Variants in SYT16 observed in about 807,000 individuals in gnomAD.
The protein encoded by SYT16 is synaptotagmin-16.
A neutral mutation model predicts 61.4 loss-of-function variants in SYT16; 42 were observed. That is an observed-to-expected ratio of 0.68 (90% confidence interval 0.53 to 0.89). The LOEUF is 0.89. Among genes scored for constraint, SYT16 ranks in the 40% least tolerant of loss-of-function variants. The pLI is 0.00. For missense variants in SYT16, 804 were observed against 807.3 expected, an observed-to-expected ratio of 1.00 and a Z score of 0.05; for synonymous variants, 314 against 302.3, an observed-to-expected ratio of 1.04 and a Z score of -0.40.
intron 1 of SYT16, among the ~76,000 whole-genome samples, chr14:61,868,268 T>C (rs898746118): frequency 6.6e-6 from 1 of 151,880 alleles, no homozygotes; most frequent in Admixed American, 6.6e-5. Flanking sequence ...GGTTTATCAA[T>C]TTTATTGTTT....
chr14:61,866,513 A>G (rs114635486), intron 1 of SYT16, among the ~76,000 whole-genome samples: 213 of 152,202 alleles, frequency 1.4e-3, no homozygotes, highest in African/African-American at 4.9e-3. Context: ...GCATTTTTCC[A>G]ATGACTAATG....
intron 3 of SYT16, among the ~76,000 whole-genome samples, chr14:62,004,637 A>C (rs754432132): frequency 2.0e-5 from 3 of 152,186 alleles, no homozygotes; most frequent in Non-Finnish European, 4.4e-5. Context: ...ACATATAAAG[A>C]GAAATAATTG....
At chr14:61,864,081 G>A (rs943672443) in intron 1 of SYT16, among the ~76,000 whole-genome samples, 2 of 152,192 alleles carry the variant, frequency 1.3e-5, no homozygotes, top group African/African-American at 4.8e-5. Context: ...GACTATTCTG[G>A]TAATTTGTTC....
At position 62,102,757 on chromosome 14, in the gene SYT16, C is replaced by T. The variant is rs535937504; in HGVS notation, c.*2050C>T. The T allele has an allele frequency of 6.6e-6, 1 of 152,156 alleles. No individual in the cohort carries two copies. The highest frequency in any genetic ancestry group is 1.9e-4 in the East Asian group (1 of 5,178). 9.4% of individuals were successfully genotyped at this position (152,156 alleles called of 1,614,324 possible). Reference sequence around the variant, plus strand: ...AATCTGTATATATTGTACAGACAGCCCTGAATTTTTCCCTCTCATATTTTC... The same window carrying T: ...AATCTGTATATATTGTACAGACAGCTCTGAATTTTTCCCTCTCATATTTTC... On this transcript the variant is annotated 3_prime_UTR_variant, in exon 8 of 8. Transcript: ENST00000683842.
chr14:62,045,456 TTTA>T (rs991737078), intron 3 of SYT16, among the ~76,000 whole-genome samples: 16 of 152,240 alleles, frequency 1.1e-4, no homozygotes, highest in East Asian at 7.7e-4. Context: ...TTTTTAAAAT[TTTA>T]TTATTATTAT....
intron 2 of SYT16, among the ~76,000 whole-genome samples, chr14:61,973,821 C>T (rs1341652797): frequency 1.3e-5 from 2 of 152,122 alleles, no homozygotes; most frequent in Non-Finnish European, 2.9e-5. Context: ...TGCCCTTCCT[C>T]TTCTGGAAAG....
intron 1 of SYT16, among the ~76,000 whole-genome samples, chr14:61,849,383 T>A (rs1054014118): frequency 5.3e-5 from 8 of 152,210 alleles, no homozygotes; most frequent in African/African-American, 1.9e-4. Context: ...AGCACAGCAT[T>A]AGGATTTGCT....
At chr14:61,951,435 A>G (rs1235686156) in intron 1 of SYT16, among the ~76,000 whole-genome samples, 1 of 152,226 alleles carries the variant, frequency 6.6e-6, no homozygotes, top group Non-Finnish European at 1.5e-5. Flanking sequence ...GTGACAAACA[A>G]TTCTGTTAAA....
At chr14:62,093,093 C>T (rs1275445007) in intron 7 of SYT16, among the ~76,000 whole-genome samples, 1 of 151,840 alleles carries the variant, frequency 6.6e-6, no homozygotes, top group African/African-American at 2.4e-5. Context: ...AATCTCTGTA[C>T]CTTCTGCTCA....
At chr14:62,093,275 A>G (rs1425125460) in intron 7 of SYT16, among the ~76,000 whole-genome samples, 1 of 152,142 alleles carries the variant, frequency 6.6e-6, no homozygotes, top group African/African-American at 2.4e-5. Flanking sequence ...GAATAAAGCA[A>G]ATGTAACCAA....
chr14:62,104,831 A>C lies in SYT16; in HGVS notation c.*4124A>C, dbSNP rs2057485308. On this transcript the variant is annotated 3_prime_UTR_variant, in exon 8 of 8. Coordinates refer to ENST00000683842, the MANE Select transcript of SYT16 (RefSeq NM_001367656.1). ...GGAAAATGGAAATAATACCTACCTC[A>C]TTAGGTGTCTTAAAAGATATCAGTG... The C allele has an allele frequency of 6.6e-6, 1 of 152,160 alleles. No individual in the cohort carries two copies. Among genetic ancestry groups the C allele is most frequent in the African/African-American group, 2.4e-5 (1 of 41,440 alleles). 9.4% of individuals were successfully genotyped at this position (152,160 alleles called of 1,614,324 possible).
rs1405563001 is a variant in SYT16 at position 61,996,196 on chromosome 14, T to C, written c.177T>C (p.Asn59=). The C allele has an allele frequency of 1.9e-6, 3 of 1,613,510 alleles. No homozygotes were observed. The highest frequency in any genetic ancestry group is 1.3e-5 in the African/African-American group (1 of 75,006). ...LSDKLDQDLD[N]IQIQETYFED... is the part of the protein sequence containing the mutation. ...ACAAACTAGATCAGGACTTAGATAA[T>C]ATTCAGATTCAGGAAACGTACTTTG... The change falls in exon 3 of 8, where the codon AAT becomes AAC. Residue 59 remains asparagine (N), a synonymous_variant. Coordinates refer to ENST00000683842, the MANE Select transcript of SYT16 (RefSeq NM_001367656.1).
intron 1 of SYT16, among the ~76,000 whole-genome samples, chr14:61,886,743 A>G (rs1409649366): frequency 6.6e-6 from 1 of 152,166 alleles, no homozygotes; most frequent in Non-Finnish European, 1.5e-5. Flanking sequence ...GTTAATGTTG[A>G]TATTTTGGCC....
chr14:61,962,492 T>A (rs1595028037), intron 1 of SYT16, among the ~76,000 whole-genome samples: 2 of 152,276 alleles, frequency 1.3e-5, no homozygotes, highest in East Asian at 3.9e-4. Context: ...TCGGTATAGA[T>A]CTTTTTGTGT....
chr14:61,960,638 A>G (rs1460377286), intron 1 of SYT16, among the ~76,000 whole-genome samples: 2 of 152,162 alleles, frequency 1.3e-5, no homozygotes, highest in East Asian at 3.8e-4. Context: ...GAATAATATT[A>G]TCTGCAAACA....
intron 1 of SYT16, among the ~76,000 whole-genome samples, chr14:61,879,136 A>G (rs925265581): frequency 6.6e-6 from 1 of 152,040 alleles, no homozygotes; most frequent in African/African-American, 2.4e-5. Flanking sequence ...GATACACTCA[A>G]TGTGCCTGTA....
At chr14:62,004,526 A>G (rs2053148011) in intron 3 of SYT16, among the ~76,000 whole-genome samples, 1 of 152,194 alleles carries the variant, frequency 6.6e-6, no homozygotes, top group African/African-American at 2.4e-5. Context: ...GAACTCTGAT[A>G]TAGAAGGATA....
chr14:62,069,791 G>A lies in SYT16; in HGVS notation c.712G>A (p.Gly238Ser), dbSNP rs764126208. ...TTCGTTGTTGACACACGGAGAAGATGGCACAGAAGTATCTGCCTGCGAAGG... is the reference window on the plus strand; with the variant it reads ...TTCGTTGTTGACACACGGAGAAGATAGCACAGAAGTATCTGCCTGCGAAGG... The part of the protein sequence containing the change: ...SRSLLTHGED[G>S]TEVSACEDLD... The change falls in exon 4 of 8, where the codon GGC (glycine) becomes AGC (serine). Residue 238 changes from glycine (G) to serine (S), a missense_variant. Physicochemically the swap from Gly to Ser is moderately conservative, Grantham distance 56 (BLOSUM62 0). Coordinates refer to ENST00000683842, the MANE Select transcript of SYT16 (RefSeq NM_001367656.1). 5 of 1,613,936 alleles carry A rather than the reference G, an allele frequency of 3.1e-6. No homozygotes were observed. The South Asian group carries it at 5.5e-5, about 18-fold the overall frequency.
intron 3 of SYT16, among the ~76,000 whole-genome samples, chr14:62,051,524 C>T (rs532693176): frequency 6.4e-4 from 97 of 152,292 alleles, no homozygotes; most frequent in Admixed American, 5.6e-3. Context: ...CCCAGTACCT[C>T]AGTTGGAAAT....
Sources: gnomAD v4.1 joint callset for allele counts (sites outside exome capture counted in the v4.1 genomes callset) on GRCh38, gnomAD v4.1.1 for gene constraint, MANE v1.5 for transcripts, NCBI Gene and HGNC (gene_info 2026-07-23, HGNC 2026-07-21) for gene names.